Variants in VPS8 observed in about 807,000 individuals in gnomAD.
VPS8 encodes the protein VPS8 subunit of CORVET complex, also known as vacuolar protein sorting-associated protein 8 homolog.
Under a neutral mutation model 216.4 loss-of-function variants are expected in VPS8, and 129 were observed. The ratio of observed to expected loss-of-function variants is 0.60; its 90% CI spans 0.52 to 0.69. The LOEUF (loss-of-function observed/expected upper bound fraction) is 0.69, where lower values mean the gene tolerates loss of function less well. VPS8 is among the 30% of genes least tolerant of loss of function. The pLI, the probability that VPS8 is intolerant of heterozygous loss-of-function variation, is 0.00. For synonymous variants in VPS8, 571 were observed against 565.4 expected (o/e 1.01, Z -0.14); for missense variants, 1,531 against 1,683.5 (o/e 0.91, Z 1.59).
At chr3:184,869,625 C>G (rs1727976597) in intron 20 of VPS8, 97 bp downstream of exon 20, 6 of 1,225,428 alleles carry the variant, frequency 4.9e-6, no homozygotes, top group Non-Finnish European at 7.0e-6. Context: ...TGGCTACAAT[C>G]TAGAAGAGAG....
At chr3:184,923,739 C>T (rs1739072190) in intron 29 of VPS8, among the ~76,000 whole-genome samples, 1 of 152,196 alleles carries the variant, frequency 6.6e-6, no homozygotes, top group Non-Finnish European at 1.5e-5. Context: ...TTCCCCTTAA[C>T]AAATGTGTTT....
intron 40 of VPS8, among the ~76,000 whole-genome samples, chr3:184,975,557 A>G (rs1423971267): frequency 6.6e-6 from 1 of 151,748 alleles, no homozygotes; most frequent in African/African-American, 2.4e-5. Flanking sequence ...CTCTTGCCTT[A>G]TTGCTCTAGC....
intron 40 of VPS8, among the ~76,000 whole-genome samples, chr3:184,981,903 T>C (rs866666467): frequency 2.0e-5 from 3 of 152,122 alleles, no homozygotes; most frequent in African/African-American, 7.2e-5. Flanking sequence ...GAGATTGAAA[T>C]GCAAAAATGT....
intron 45 of VPS8, among the ~76,000 whole-genome samples, chr3:185,001,447 A>C (rs561321303): frequency 1.3e-5 from 2 of 152,308 alleles, no homozygotes; most frequent in East Asian, 3.9e-4. Flanking sequence ...CGACTGAGGA[A>C]GAGCCAAATG....
At chr3:185,019,008 C>T (rs1756245055) in intron 45 of VPS8, among the ~76,000 whole-genome samples, 1 of 152,180 alleles carries the variant, frequency 6.6e-6, no homozygotes, top group Admixed American at 6.5e-5. Context: ...TCCTCCTTTG[C>T]TGCTTTAGCT....
rs1353597387 is a variant in VPS8, at chr3:184,824,859, C to T, written c.153+74C>T. On this transcript the variant is annotated intron_variant, in intron 2 of 47. Coordinates refer to ENST00000625842, the MANE Select transcript of VPS8 (RefSeq NM_001009921.3). ...TAGAGTATGCTTTGTGACCCAGAGA[C>T]TCTAAGTCTGTCATTTTTGCATGGG... 2.1e-6 allele frequency: 3 copies of T among 1,404,426 alleles called. No individual in the cohort carries two copies. The African/African-American group carries it at 4.4e-5, about 21-fold the overall frequency. The allele number at this position is 1,404,426 out of a possible 1,614,324, so 87.0% of individuals were successfully genotyped here. A position where few individuals can be genotyped will look rare whatever the true frequency, so the allele number is the denominator to read the frequency against.
rs541617030 is a variant in VPS8 at position 184,991,873 on chromosome 3, A to G, written c.3586-2110A>G. Among the ~76,000 whole-genome samples, 21 of 152,318 alleles carry G rather than the reference A, an allele frequency of 1.4e-4. No individual in the cohort carries two copies. The South Asian group carries it at 4.4e-3, about 32-fold the overall frequency. ...CTTGCCTTTTGGAAATGATTTCCAC[A>G]TATTTGACAGATATCTTTAGCTTAG... On this transcript the variant is annotated intron_variant, in intron 42 of 47. Coordinates refer to ENST00000625842, the MANE Select transcript of VPS8 (RefSeq NM_001009921.3).
At chr3:185,000,165 C>G (rs1753207230) in intron 45 of VPS8, among the ~76,000 whole-genome samples, 1 of 152,220 alleles carries the variant, frequency 6.6e-6, no homozygotes, top group Admixed American at 6.5e-5. Context: ...AGAGTAACAG[C>G]TTAGCAAGTA....
chr3:184,984,418 C>T (rs575124870), intron 42 of VPS8, among the ~76,000 whole-genome samples: 3 of 151,274 alleles, frequency 2.0e-5, no homozygotes, highest in South Asian at 2.1e-4. Flanking sequence ...CTCAGCCTCC[C>T]GAGTAGCTGG....
intron 42 of VPS8, among the ~76,000 whole-genome samples, chr3:184,990,977 C>G (rs1015118934): frequency 6.6e-6 from 1 of 151,248 alleles, no homozygotes; most frequent in African/African-American, 2.4e-5. Flanking sequence ...TTTAAAGGAC[C>G]ATATTTTTGT....
intron 40 of VPS8, among the ~76,000 whole-genome samples, chr3:184,975,165 A>G (rs2109676478): frequency 6.6e-6 from 1 of 152,148 alleles, no homozygotes; most frequent in African/African-American, 2.4e-5. Flanking sequence ...TCATTTTAAT[A>G]TTCTTCTGAT....
In VPS8 at chr3:184,999,782, A is replaced by C; in HGVS notation, c.3923A>C (p.Lys1308Thr). The C allele has an allele frequency of 6.2e-7, 1 of 1,613,284 alleles. No homozygotes were observed. The highest frequency in any genetic ancestry group is 2.2e-5 in the East Asian group (1 of 44,858). Reference sequence around the variant, plus strand: ...GGCCAAACAAGATGGACATGCTACAAATGCAGTTCAAGTAACAAAGTAGGA... The same window carrying C: ...GGCCAAACAAGATGGACATGCTACACATGCAGTTCAAGTAACAAAGTAGGA... ...FEGQTRWTCYKCSSSNKVGKL... is the reference protein window; with the variant it reads ...FEGQTRWTCYTCSSSNKVGKL... The change falls in exon 45 of 48, where the codon AAA (lysine) becomes ACA (threonine). Residue 1308 changes from lysine to threonine, a missense_variant. This residue lies in a region of VPS8 where 1,318 missense variants were observed against 1,468.4 expected (regional missense o/e 0.90). Coordinates refer to ENST00000625842, the MANE Select transcript of VPS8 (RefSeq NM_001009921.3).
chr3:184,996,459 A>G lies in VPS8; in HGVS notation c.3794A>G (p.Tyr1265Cys). Residue 1265 changes from tyrosine to cysteine, a missense_variant, in exon 44 of 48, where the codon TAC becomes TGC. Physicochemically the swap from Tyr to Cys is radical, Grantham distance 194 (BLOSUM62 -2). Transcript: ENST00000625842. Reference sequence around the variant, plus strand: ...TACTGCTCTATATGTTTGCAGCAGTACAAGAGACGCCAAGAAATGGCTGAT... The same window carrying G: ...TACTGCTCTATATGTTTGCAGCAGTGCAAGAGACGCCAAGAAATGGCTGAT... ...QDYCSICLQQ[Y>C]KRRQEMADEI... The G allele has an allele frequency of 6.2e-7, 1 of 1,606,770 alleles. No homozygotes were observed. Among genetic ancestry groups the G allele is most frequent in the Non-Finnish European group, 8.5e-7 (1 of 1,177,988 alleles).
intron 15 of VPS8, 131 bp downstream of exon 15, chr3:184,860,196 G>A: frequency 2.5e-6 from 2 of 803,186 alleles, no homozygotes; most frequent in Non-Finnish European, 3.8e-6. Flanking sequence ...GGACAGTCCG[G>A]CACCGAGGCT....
At chr3:184,813,108 G>A (rs76774015) in intron 1 of VPS8, among the ~76,000 whole-genome samples, 1,846 of 152,264 alleles carry the variant, frequency 0.012, 40 homozygotes, top group African/African-American at 0.041. Context: ...CTTTACAGGA[G>A]GATAGGGTGG....
chr3:184,977,915 A>G (rs1749572318), intron 40 of VPS8, among the ~76,000 whole-genome samples: 1 of 133,924 alleles, frequency 7.5e-6, no homozygotes, highest in Non-Finnish European at 1.6e-5. Flanking sequence ...TGTCTCTGCC[A>G]GGTTTTGGTA....
chr3:184,957,642 G>A (rs1233080771), intron 37 of VPS8, 121 bp downstream of exon 37: 18 of 1,228,100 alleles, frequency 1.5e-5, no homozygotes, highest in Non-Finnish European at 1.9e-5. Context: ...TAAATTCTTA[G>A]TTGAGACATA....
chr3:184,884,147 T>C (rs575844378), intron 21 of VPS8, among the ~76,000 whole-genome samples: 110 of 152,128 alleles, frequency 7.2e-4, no homozygotes, highest in Non-Finnish European at 1.4e-3. Flanking sequence ...TATGTATACA[T>C]GTGCCATGTT....
chr3:184,930,665 T>G (rs1445240758), intron 34 of VPS8, 97 bp downstream of exon 34: 13 of 818,812 alleles, frequency 1.6e-5, no homozygotes, highest in Non-Finnish European at 2.4e-5. Context: ...TCATATTAAG[T>G]TGATTTAATT....
Sources: allele counts gnomAD v4.1 joint callset (sites outside exome capture counted in the v4.1 genomes callset), GRCh38; gene constraint gnomAD v4.1.1; regional missense constraint gnomAD v4.1.1; transcripts MANE v1.5; gene names NCBI Gene and HGNC (gene_info 2026-07-23, HGNC 2026-07-21).